SYT14: variants seen among roughly 807,000 people sequenced by gnomAD.
SYT14 encodes synaptotagmin-14.
In SYT14, 32 loss-of-function variants were observed where a neutral mutation model predicts 74.2. That is an observed-to-expected ratio of 0.43 (90% CI 0.33 to 0.58). SYT14 has a LOEUF of 0.58. Among genes scored for constraint, SYT14 ranks in the 20% least tolerant of loss-of-function variants. SYT14 has a pLI of 0.05. For missense variants in SYT14, 791 were observed against 981.8 expected (o/e 0.81, Z 2.60); for synonymous variants, 298 against 337.7 (o/e 0.88, Z 1.29).
intron 2 of SYT14, among the ~76,000 whole-genome samples, chr1:209,970,024 A>G (rs775195482): frequency 2.6e-5 from 4 of 152,070 alleles, no homozygotes; most frequent in Non-Finnish European, 4.4e-5. Context: ...CTGGCTGCTC[A>G]TTGTGTTGAT....
At chr1:210,042,065 A>T (rs1052350121) in intron 5 of SYT14, among the ~76,000 whole-genome samples, 4 of 151,828 alleles carry the variant, frequency 2.6e-5, no homozygotes, top group African/African-American at 9.7e-5. Context: ...TTGCATTCTG[A>T]GTGCATTCTA....
At chr1:209,990,527 A>ATAGATATATACG (rs2079646296) in intron 2 of SYT14, among the ~76,000 whole-genome samples, 1 of 12,818 alleles carries the variant, frequency 7.8e-5, no homozygotes, top group Non-Finnish European at 2.3e-4. Flanking sequence ...TATTTCACAT[A>ATAGATATATACG]TATATATATA....
rs370875655 is a variant in SYT14 at position 209,948,235 on chromosome 1, CAT to C, written c.-533-4473_-533-4472del. 4.1e-4 allele frequency among the ~76,000 whole-genome samples: 62 copies of C among 152,296 alleles called. No individual in the cohort carries two copies. The East Asian group carries it at 6.0e-3, about 15-fold the overall frequency. On this transcript the variant is annotated intron_variant, in intron 1 of 9. Transcript: ENST00000637265. ...TAACTACATATTTTCCTTCTGTAAA[CAT>C]GTGTAAACATGTACATATGTTGTAA... is the stretch of plus-strand genomic sequence containing the variant.
At chr1:210,155,855 A>C in exon 8 of SYT14, 2 of 1,614,134 alleles carry the variant, frequency 1.2e-6, no homozygotes, top group East Asian at 2.2e-5. Flanking sequence ...GAAGACTATC[A>C]GCAGAAGTGA....
At chr1:209,984,422 G>A (rs2079538441) in intron 2 of SYT14, among the ~76,000 whole-genome samples, 1 of 152,062 alleles carries the variant, frequency 6.6e-6, no homozygotes, top group Admixed American at 6.5e-5. Flanking sequence ...CCTGTTTAAT[G>A]GTTGTTTCAG....
intron 2 of SYT14, among the ~76,000 whole-genome samples, chr1:209,974,880 T>G (rs1039568403): frequency 9.2e-5 from 14 of 152,228 alleles, no homozygotes; most frequent in African/African-American, 2.7e-4. Flanking sequence ...TATCCTCTTT[T>G]ATTTCATTGA....
At chr1:209,985,244 T>A (rs1198461357) in intron 2 of SYT14, among the ~76,000 whole-genome samples, 1 of 152,202 alleles carries the variant, frequency 6.6e-6, no homozygotes, top group Non-Finnish European at 1.5e-5. Flanking sequence ...AGATACAGTG[T>A]GGATAGAGAC....
chr1:210,053,390 C>T (rs2081039364), intron 5 of SYT14, among the ~76,000 whole-genome samples: 1 of 152,178 alleles, frequency 6.6e-6, no homozygotes, highest in Admixed American at 6.5e-5. Flanking sequence ...TGGTATAGAT[C>T]ATTTAGGGTC....
intron 7 of SYT14, among the ~76,000 whole-genome samples, chr1:210,119,770 T>C (rs548483070): frequency 3.9e-4 from 59 of 152,322 alleles, no homozygotes; most frequent in Non-Finnish European, 6.0e-4. Context: ...TTTTAGGTGT[T>C]GATTATGCAA....
In SYT14 at chr1:210,152,143, A is replaced by G. The variant is rs375097167; in HGVS notation, c.2035-3578A>G. On this transcript the variant is annotated intron_variant, in intron 7 of 9. Transcript: ENST00000637265. ...AAACTTACTAAAATTGTTTTCTCCA[A>G]CTGTCATGAAAACATACCAAACTAT... Among the ~76,000 whole-genome samples, 13 of 152,292 alleles carry G rather than the reference A, an allele frequency of 8.5e-5. No homozygotes were observed. In the East Asian group the frequency reaches 9.7e-4, roughly 11 times the overall value.
rs180703460 is a variant in SYT14, at chr1:210,091,793, A to G, written c.1313-2529A>G. 3.4e-3 allele frequency among the ~76,000 whole-genome samples: 515 copies of G among 152,198 alleles called. 6 individuals are homozygous for G. The highest frequency in any genetic ancestry group is 0.012 in the African/African-American group (500 of 41,522). On this transcript the variant is annotated intron_variant, in intron 5 of 9. Coordinates refer to ENST00000637265, the Ensembl canonical transcript of SYT14. ...GCCCCATCCCCAGCTTCAAATTTTG[A>G]TGGCTTCTGATTAATTTAAGCCAAT... is the stretch of plus-strand genomic sequence containing the variant.
chr1:210,162,243 T>C (rs2083387505), exon 10 of SYT14: 2 of 429,320 alleles, frequency 4.7e-6, no homozygotes, highest in African/African-American at 2.0e-5. Flanking sequence ...GTGCCTTTCA[T>C]GTAAGTTAAA....
At chr1:210,133,764 G>A (rs1201339172) in intron 7 of SYT14, among the ~76,000 whole-genome samples, 2 of 151,788 alleles carry the variant, frequency 1.3e-5, no homozygotes, top group Non-Finnish European at 2.9e-5. Context: ...ATGTTTTTTT[G>A]GCAACTGTCT....
intron 1 of SYT14, among the ~76,000 whole-genome samples, chr1:209,948,793 A>G (rs1268901035): frequency 6.6e-6 from 1 of 152,164 alleles, no homozygotes; most frequent in African/African-American, 2.4e-5. Context: ...TCTGAGTTCT[A>G]GTGTCTCCTG....
intron 7 of SYT14, among the ~76,000 whole-genome samples, chr1:210,125,504 T>C (rs2082551903): frequency 6.6e-6 from 1 of 152,176 alleles, no homozygotes; most frequent in Admixed American, 6.5e-5. Context: ...TTGATCAAAC[T>C]AAGATAGTAT....
intron 2 of SYT14, among the ~76,000 whole-genome samples, chr1:210,011,690 C>A (rs1261333355): frequency 6.6e-6 from 1 of 152,124 alleles, no homozygotes; most frequent in East Asian, 1.9e-4. Context: ...TCATTTTTAA[C>A]AAATGAGTTA....
chr1:210,155,704 G>A lies in SYT14; in HGVS notation c.2035-17G>A, dbSNP rs2083254472. 1 of 1,613,278 alleles carries A rather than the reference G, an allele frequency of 6.2e-7. No homozygotes were observed. Among genetic ancestry groups the A allele is most frequent in the Non-Finnish European group, 8.5e-7 (1 of 1,179,548 alleles). ...CTCTCTTGCAAAATACTATAAAAAT[G>A]TTATTATTGATTACAGGGCTGTGAC... On this transcript the variant is annotated splice_polypyrimidine_tract_variant and intron_variant, in intron 7 of 9. Coordinates refer to ENST00000637265, the Ensembl canonical transcript of SYT14.
rs568032823 is a variant in SYT14 at position 209,958,064 on chromosome 1, A to G, written c.-486+5308A>G. Reference sequence around the variant, plus strand: ...AGATTTAGTCTTGCTTTTCATATTTATGTTATTAATCCATCTGAAATTGAT... The same window carrying G: ...AGATTTAGTCTTGCTTTTCATATTTGTGTTATTAATCCATCTGAAATTGAT... On this transcript the variant is annotated intron_variant, in intron 2 of 9. Transcript: ENST00000637265. 5.1e-4 allele frequency among the ~76,000 whole-genome samples: 77 copies of G among 152,040 alleles called. 2 individuals are homozygous for G. The South Asian group carries it at 0.013, about 25-fold the overall frequency.
intron 2 of SYT14, among the ~76,000 whole-genome samples, chr1:209,960,867 C>G (rs1198983369): frequency 6.6e-6 from 1 of 152,074 alleles, no homozygotes; most frequent in Non-Finnish European, 1.5e-5. Context: ...TAGAATAATA[C>G]ACTTATAAGA....
Sources: allele counts gnomAD v4.1 joint callset (sites outside exome capture counted in the v4.1 genomes callset), GRCh38; gene constraint gnomAD v4.1.1; transcripts MANE v1.5; gene names NCBI Gene and HGNC (gene_info 2026-07-23, HGNC 2026-07-21).